SLC5A4: variants seen among roughly 807,000 people sequenced by gnomAD.
SLC5A4 encodes the protein solute carrier family 5 member 4.
A neutral mutation model predicts 70.3 loss-of-function variants in SLC5A4; 55 were observed. The observed-to-expected ratio is 0.78, with a 90% CI of 0.63 to 0.98. The LOEUF is 0.98. Ranked by LOEUF, SLC5A4 falls within the 50% of genes least tolerant of loss-of-function variation. The probability of loss-of-function intolerance (pLI) is 0.00; values close to 1 mark genes in which losing one functional copy is unlikely to be tolerated. For synonymous variants in SLC5A4, 268 were observed against 305.7 expected (o/e 0.88, Z 1.29); for missense variants, 735 against 839.2 (o/e 0.88, Z 1.53).
At chr22:32,354,817 G>A in the SLC5A4 span, 10,890 of 152,388 alleles carry the variant, frequency 0.071, 827 homozygotes, top group East Asian at 0.46. Flanking sequence ...TACGGCCTGG[G>A]ATGGCGAACT....
chr22:32,333,598 T>C, the SLC5A4 span, among the ~76,000 whole-genome samples: 7 of 152,076 alleles, frequency 4.6e-5, no homozygotes, highest in Admixed American at 2.0e-4. Context: ...CTGGTGCCCT[T>C]GCATCTCCGT....
chr22:32,312,545 C>T, the SLC5A4 span, among the ~76,000 whole-genome samples: 3 of 152,046 alleles, frequency 2.0e-5, no homozygotes, highest in African/African-American at 7.3e-5. Context: ...ATCCTGAGGC[C>T]ACAATGAGTC....
chr22:32,290,619 C>T, the SLC5A4 span, among the ~76,000 whole-genome samples: 3 of 152,112 alleles, frequency 2.0e-5, no homozygotes, highest in Admixed American at 1.3e-4. Flanking sequence ...CGGTAACTTA[C>T]AAACAATAGA....
chr22:32,353,993 T>G, the SLC5A4 span, among the ~76,000 whole-genome samples: 8 of 150,506 alleles, frequency 5.3e-5, no homozygotes, highest in African/African-American at 2.0e-4. Context: ...CAGCCACAGA[T>G]AGCGCACCCA....
chr22:32,348,829 A>C, the SLC5A4 span, among the ~76,000 whole-genome samples: 1 of 152,302 alleles, frequency 6.6e-6, no homozygotes, highest in Admixed American at 6.5e-5. Flanking sequence ...GGAAGAACTA[A>C]ATAATACCCT....
chr22:32,239,512 T>G (rs1926262121), intron 5 of SLC5A4, among the ~76,000 whole-genome samples: 2 of 62,292 alleles, frequency 3.2e-5, no homozygotes, highest in African/African-American at 5.2e-5. Flanking sequence ...AGCCTGGGAG[T>G]GCATATTATA....
the SLC5A4 span, among the ~76,000 whole-genome samples, chr22:32,345,803 CAAGT>C: frequency 6.6e-6 from 1 of 152,118 alleles, no homozygotes; most frequent in Non-Finnish European, 1.5e-5. Context: ...TAAAGATTTA[CAAGT>C]AAGTTTTCCT....
chr22:32,282,123 G>A, the SLC5A4 span, among the ~76,000 whole-genome samples: 2 of 152,306 alleles, frequency 1.3e-5, no homozygotes, highest in East Asian at 1.9e-4. Context: ...GATTACAGGT[G>A]TGAGCCACGG....
chr22:32,237,792 C>A (rs1926149266), intron 6 of SLC5A4, among the ~76,000 whole-genome samples: 1 of 152,076 alleles, frequency 6.6e-6, no homozygotes, highest in Admixed American at 6.5e-5. Flanking sequence ...ACAACAACAA[C>A]AAAAATCCAA....
At position 32,240,449 on chromosome 22, in the gene SLC5A4, A is replaced by G. The variant is rs73881630; in HGVS notation, c.478-1359T>C. 1.6e-4 allele frequency among the ~76,000 whole-genome samples: 21 copies of G among 128,546 alleles called. No homozygotes were observed. In the South Asian group the frequency reaches 3.0e-3, roughly 18 times the overall value. The allele number at this position is 128,546 out of a possible 152,430, so 84.3% of individuals were successfully genotyped here. On this transcript the variant is annotated intron_variant, in intron 5 of 14. Transcript: ENST00000266086. ...ATTATATATGTGTGTATATATATAT[A>G]TGTGTGTGTGTGTATACATATATAA...
chr22:32,306,554 T>C, the SLC5A4 span, among the ~76,000 whole-genome samples: 26 of 152,220 alleles, frequency 1.7e-4, no homozygotes, highest in South Asian at 5.4e-3. Context: ...TCCAGTATTA[T>C]TAGGAATGTT....
the SLC5A4 span, among the ~76,000 whole-genome samples, chr22:32,281,742 C>T: frequency 6.6e-6 from 1 of 152,152 alleles, no homozygotes; most frequent in Non-Finnish European, 1.5e-5. Context: ...CTTCCCGCCT[C>T]AGCCTCCTGA....
At chr22:32,292,673 C>T in the SLC5A4 span, among the ~76,000 whole-genome samples, 1 of 152,054 alleles carries the variant, frequency 6.6e-6, no homozygotes, top group African/African-American at 2.4e-5. Flanking sequence ...CTGAAGTTCA[C>T]TGATACTTGC....
At chr22:32,306,783 C>T in the SLC5A4 span, among the ~76,000 whole-genome samples, 1 of 152,202 alleles carries the variant, frequency 6.6e-6, no homozygotes, top group Non-Finnish European at 1.5e-5. Flanking sequence ...CTCGTTACTG[C>T]ACATTGTCCA....
At chr22:32,224,517 AG>A (rs770149731) in intron 12 of SLC5A4, 35 bp from the exon 13 acceptor site, 2 of 1,481,472 alleles carry the variant, frequency 1.4e-6, no homozygotes, top group South Asian at 2.3e-5. Flanking sequence ...CAGAATGTTT[AG>A]AAAATATGAG....
the SLC5A4 span, among the ~76,000 whole-genome samples, chr22:32,279,959 T>C: frequency 6.6e-6 from 1 of 152,150 alleles, no homozygotes; most frequent in Non-Finnish European, 1.5e-5. Context: ...CCTGGACAGG[T>C]GGCCCATGCC....
At chr22:32,255,162 G>T in intron 1 of SLC5A4, 33 bp downstream of exon 1, 1 of 1,599,798 alleles carries the variant, frequency 6.3e-7, no homozygotes, top group Non-Finnish European at 8.5e-7. Context: ...TAAACCTTGT[G>T]CCCACCCTAA....
the SLC5A4 span, among the ~76,000 whole-genome samples, chr22:32,349,645 A>G: frequency 6.6e-6 from 1 of 152,242 alleles, no homozygotes; most frequent in Non-Finnish European, 1.5e-5. Flanking sequence ...CACATGAACT[A>G]AAAGGCATTA....
chr22:32,329,567 G>GTGTGTC, the SLC5A4 span, among the ~76,000 whole-genome samples: 2 of 138,248 alleles, frequency 1.4e-5, no homozygotes, highest in African/African-American at 2.7e-5. Flanking sequence ...TGGTGTGTGT[G>GTGTGTC]TTGCGGGCTC....
Sources: gnomAD v4.1 joint callset for allele counts (sites outside exome capture counted in the v4.1 genomes callset) on GRCh38, gnomAD v4.1.1 for gene constraint, MANE v1.5 for transcripts, NCBI Gene and HGNC (gene_info 2026-07-23, HGNC 2026-07-21) for gene names.